Variants in KLC1 observed in about 807,000 individuals in gnomAD.
KLC1 encodes the protein kinesin light chain 1.
KLC1 carries 30 observed loss-of-function variants against 84.2 expected under a neutral mutation model. The observed-to-expected ratio is 0.36, with a 90% CI of 0.27 to 0.48. The LOEUF is 0.48. KLC1 is among the 20% of genes least tolerant of loss of function. The probability of loss-of-function intolerance (pLI) is 0.99; values close to 1 mark genes in which losing one functional copy is unlikely to be tolerated. For synonymous variants in KLC1, 289 were observed against 293.3 expected, an observed-to-expected ratio of 0.99 and a Z score of 0.15; for missense variants, 499 against 805.4, an observed-to-expected ratio of 0.62 and a Z score of 4.60.
chr14:103,631,230 G>T (rs549056393), intron 1 of KLC1, among the ~76,000 whole-genome samples: 2 of 151,876 alleles, frequency 1.3e-5, no homozygotes, highest in South Asian at 4.1e-4. Context: ...ACAGGCGCCC[G>T]CCACCACGCC....
intron 5 of KLC1, among the ~76,000 whole-genome samples, chr14:103,665,810 C>A (rs1193864124): frequency 6.6e-6 from 1 of 152,198 alleles, no homozygotes; most frequent in Non-Finnish European, 1.5e-5. Flanking sequence ...TTGGTACCTG[C>A]TGCCAAACTG....
At chr14:103,658,428 GTT>G (rs536826342) in intron 3 of KLC1, among the ~76,000 whole-genome samples, 232 of 91,202 alleles carry the variant, frequency 2.5e-3, no homozygotes, top group African/African-American at 9.2e-3. Flanking sequence ...GCCCAGCTAA[GTT>G]TTTTTTTTTT....
At chr14:103,686,440 T>G (rs184226489) in intron 13 of KLC1, 18 of 157,206 alleles carry the variant, frequency 1.1e-4, no homozygotes, top group Admixed American at 9.8e-4. Flanking sequence ...AATACCTGAA[T>G]CAATTAAGAT....
intron 5 of KLC1, among the ~76,000 whole-genome samples, chr14:103,665,943 T>C (rs1041643885): frequency 1.3e-5 from 2 of 152,336 alleles, no homozygotes; most frequent in African/African-American, 4.8e-5. Context: ...TTTCTTTGAT[T>C]ATGTATTTTT....
chr14:103,630,180 A>C (rs2076568225), intron 1 of KLC1, among the ~76,000 whole-genome samples: 1 of 152,258 alleles, frequency 6.6e-6, no homozygotes, highest in South Asian at 2.1e-4. Context: ...AACTTGAAGC[A>C]GCCTCCGTCC....
At chr14:103,645,939 T>C (rs1003130065) in intron 1 of KLC1, among the ~76,000 whole-genome samples, 6 of 151,970 alleles carry the variant, frequency 3.9e-5, no homozygotes, top group African/African-American at 1.5e-4. Flanking sequence ...TTTGTATTTT[T>C]AGTAGAGACA....
chr14:103,698,626 G>A (rs933918150), intron 15 of KLC1: 4 of 664,760 alleles, frequency 6.0e-6, no homozygotes, highest in South Asian at 5.3e-5. Flanking sequence ...GCTCAGATGG[G>A]GGTCAGTCTG....
chr14:103,663,689 G>GC (rs1328891936), intron 5 of KLC1, among the ~76,000 whole-genome samples: 1 of 152,162 alleles, frequency 6.6e-6, no homozygotes, highest in African/African-American at 2.4e-5. Flanking sequence ...GTTGAAGGAC[G>GC]CCCCGGGGGA....
intron 3 of KLC1, among the ~76,000 whole-genome samples, chr14:103,661,197 C>T (rs949998712): frequency 6.6e-6 from 1 of 152,154 alleles, no homozygotes; most frequent in African/African-American, 2.4e-5. Context: ...CCCAGTATGT[C>T]CTCTCCTCTG....
At chr14:103,683,676 G>T (rs1270770958) in intron 13 of KLC1, 2 of 152,174 alleles carry the variant, frequency 1.3e-5, no homozygotes, top group African/African-American at 2.4e-5. Context: ...GGAGCCCGGG[G>T]TCTGCCTCCC....
intron 14 of KLC1, among the ~76,000 whole-genome samples, chr14:103,688,503 C>T (rs929452004): frequency 2.6e-5 from 4 of 152,184 alleles, no homozygotes; most frequent in African/African-American, 4.8e-5. Flanking sequence ...ACTTTTTCAT[C>T]TCTCTCAGTA....
chr14:103,673,396 C>G lies in KLC1; in HGVS notation c.1226C>G (p.Thr409Ser). 1 of 1,609,100 alleles carries G rather than the reference C, an allele frequency of 6.2e-7. No individual in the cohort carries two copies. The highest frequency in any genetic ancestry group is 8.5e-7 in the Non-Finnish European group (1 of 1,178,428). The change falls in exon 9 of 17, where the codon ACT (threonine) becomes AGT (serine). Residue 409 changes from threonine (T) to serine (S), a missense_variant. Transcript: ENST00000334553. ...GAAACACTGTACAAAGAGATTCTCA[C>G]TCGTGCACATGAAAGGGAGTTTGGT... is the stretch of plus-strand genomic sequence containing the variant. ...QAETLYKEIL[T>S]RAHEREFGSV...
intron 1 of KLC1, among the ~76,000 whole-genome samples, chr14:103,651,378 C>T (rs2078428978): frequency 6.9e-6 from 1 of 145,940 alleles, no homozygotes; most frequent in South Asian, 2.1e-4. Flanking sequence ...CCTGTATTTC[C>T]TTCTAGTTTC....
rs1274134840 is a variant in KLC1, at chr14:103,693,708, G to A, written c.1848+1283G>A. ...ACCGCCCTGCCCGGAGGCGCCAGCC[G>A]CACTCCTTGGCTTCCTTTCCTAGAT... On this transcript the variant is annotated intron_variant, in intron 15 of 16. Coordinates refer to ENST00000334553, the MANE Select transcript of KLC1 (RefSeq NM_001394837.1). The surrounding 1 kb of genome is among the most constrained non-coding windows in gnomAD (Gnocchi z 5.1). 7 of 1,493,510 alleles carry A rather than the reference G, an allele frequency of 4.7e-6. No individual in the cohort carries two copies. The highest frequency in any genetic ancestry group is 1.4e-5 in the African/African-American group (1 of 71,254). 92.5% of individuals were successfully genotyped at this position (1,493,510 alleles called of 1,614,324 possible). A position where few individuals can be genotyped will look rare whatever the true frequency, so the allele number is the denominator to read the frequency against.
At chr14:103,685,454 C>T in intron 13 of KLC1, 1 of 1,218,338 alleles carries the variant, frequency 8.2e-7, no homozygotes, top group Non-Finnish European at 1.0e-6. Context: ...CACCATGAGG[C>T]CCAGCACCTG....
chr14:103,700,998 C>T (rs1275927485), intron 16 of KLC1, among the ~76,000 whole-genome samples: 1 of 152,222 alleles, frequency 6.6e-6, no homozygotes, highest in Non-Finnish European at 1.5e-5. Flanking sequence ...CAGACGCAGG[C>T]CTTTGGTGCT....
intron 1 of KLC1, among the ~76,000 whole-genome samples, chr14:103,629,901 G>A (rs1336196085): frequency 6.6e-6 from 1 of 152,122 alleles, no homozygotes; most frequent in Middle Eastern, 3.2e-3. Context: ...CCCGCGACAG[G>A]GGAGGTGGCT....
intron 1 of KLC1, among the ~76,000 whole-genome samples, chr14:103,649,779 T>C (rs565582846): frequency 4.6e-5 from 7 of 151,880 alleles, no homozygotes; most frequent in Admixed American, 6.6e-5. Context: ...CACTGCAAGC[T>C]TCGTCTCCCG....
At chr14:103,644,372 C>A (rs970951095) in intron 1 of KLC1, among the ~76,000 whole-genome samples, 2 of 151,538 alleles carry the variant, frequency 1.3e-5, no homozygotes, top group Non-Finnish European at 2.9e-5. Flanking sequence ...CAATTCTCTG[C>A]CTCAGCTTCC....
Sources: gnomAD v4.1 joint callset for allele counts (sites outside exome capture counted in the v4.1 genomes callset) on GRCh38, gnomAD v4.1.1 for gene constraint, Gnocchi (gnomAD v3.1) non-coding constraint, MANE v1.5 for transcripts, NCBI Gene and HGNC (gene_info 2026-07-23, HGNC 2026-07-21) for gene names.